The following JADE1 variants were observed in gnomAD, a reference collection of about 807,000 sequenced individuals.
The protein encoded by JADE1 is jade family PHD finger 1, also known as protein Jade-1.
Under a neutral mutation model 81.8 loss-of-function variants are expected in JADE1, and 14 were observed. The ratio of observed to expected loss-of-function variants is 0.17; its 90% CI spans 0.11 to 0.27. JADE1 has a LOEUF of 0.27. JADE1 is among the 10% of genes least tolerant of loss of function. The probability of loss-of-function intolerance (pLI) is 1.00; values close to 1 mark genes in which losing one functional copy is unlikely to be tolerated. For synonymous variants in JADE1, 353 were observed against 391.9 expected, an observed-to-expected ratio of 0.90 and a Z score of 1.17; for missense variants, 690 against 1,047.9, an observed-to-expected ratio of 0.66 and a Z score of 4.71.
At chr4:128,835,425 G>A (rs1306188609) in intron 2 of JADE1, among the ~76,000 whole-genome samples, 1 of 152,054 alleles carries the variant, frequency 6.6e-6, no homozygotes, top group Non-Finnish European at 1.5e-5. Context: ...CCCTCTGAAG[G>A]CAGCTGGTTC....
intron 3 of JADE1, among the ~76,000 whole-genome samples, chr4:128,844,253 A>T (rs1729683127): frequency 6.6e-6 from 1 of 152,186 alleles, no homozygotes; most frequent in Non-Finnish European, 1.5e-5. Flanking sequence ...CCAGTGGTGT[A>T]GTTCGAAACC....
chr4:128,851,911 C>T lies in JADE1; in HGVS notation c.485-146C>T, dbSNP rs576076671. 1.6e-4 allele frequency: 99 copies of T among 632,568 alleles called. No individual in the cohort carries two copies. In the East Asian group the frequency reaches 2.8e-3, roughly 18 times the overall value. The allele number at this position is 632,568 out of a possible 1,614,324, so 39.2% of individuals were successfully genotyped here. Reference sequence around the variant, plus strand: ...GCTCTTGGGCTCAGATGTGAGCCACCACGCCTGGCCAGTGATTGGATTTAT... The same window carrying T: ...GCTCTTGGGCTCAGATGTGAGCCACTACGCCTGGCCAGTGATTGGATTTAT... On this transcript the variant is annotated intron_variant, in intron 5 of 10. Coordinates refer to ENST00000226319, the MANE Select transcript of JADE1 (RefSeq NM_199320.4).
intron 9 of JADE1, chr4:128,864,169 A>G (rs1001402582): frequency 5.3e-5 from 51 of 956,866 alleles, no homozygotes; most frequent in Non-Finnish European, 6.3e-5. Flanking sequence ...TTTTTTCAAG[A>G]CAGAGTCTCA....
In JADE1 at chr4:128,846,314, C is replaced by T. The variant is rs1729871484; in HGVS notation, c.139-61C>T. 2 of 1,508,666 alleles carry T rather than the reference C, an allele frequency of 1.3e-6. No individual in the cohort carries two copies. Among genetic ancestry groups the T allele is most frequent in the Non-Finnish European group, 1.8e-6 (2 of 1,091,172 alleles). 93.5% of individuals were successfully genotyped at this position (1,508,666 alleles called of 1,614,324 possible). A position where few individuals can be genotyped will look rare whatever the true frequency, so the allele number is the denominator to read the frequency against. On this transcript the variant is annotated intron_variant, in intron 3 of 10. Transcript: ENST00000226319. The surrounding 1 kb of genome is among the most constrained non-coding windows in gnomAD (Gnocchi z 4.0). ...CAGCTCCATGGTTACATTGCAGCTGCCAGCACTCTGAATAAGAATGCAAAT... is the reference window on the plus strand; with the variant it reads ...CAGCTCCATGGTTACATTGCAGCTGTCAGCACTCTGAATAAGAATGCAAAT...
At chr4:128,815,687 G>T (rs1242755932) in intron 1 of JADE1, among the ~76,000 whole-genome samples, 1 of 152,122 alleles carries the variant, frequency 6.6e-6, no homozygotes, top group Non-Finnish European at 1.5e-5. Flanking sequence ...AGAAGAGGAG[G>T]CATAGGAATC....
In JADE1 at chr4:128,872,837, ATT is replaced by A. The variant is rs535540950; in HGVS notation, c.*578_*579del. On this transcript the variant is annotated 3_prime_UTR_variant, in exon 11 of 11. Coordinates refer to ENST00000226319, the MANE Select transcript of JADE1 (RefSeq NM_199320.4). Reference sequence around the variant, plus strand: ...GTAAATATAGCAGTCAGGGAAGAGAATTTTAAAAAAGGTCATTATTGAAGAAG... The same window carrying A: ...GTAAATATAGCAGTCAGGGAAGAGAATTAAAAAAGGTCATTATTGAAGAAG... 8.5e-4 allele frequency: 380 copies of A among 449,524 alleles called. 2 individuals carry two copies. Among genetic ancestry groups the A allele is most frequent in the African/African-American group, 6.9e-3 (347 of 49,968 alleles). 27.8% of individuals were successfully genotyped at this position (449,524 alleles called of 1,614,324 possible).
chr4:128,834,530 CTTTT>C (rs202245727), intron 2 of JADE1, among the ~76,000 whole-genome samples: 3 of 99,216 alleles, frequency 3.0e-5, no homozygotes, highest in Non-Finnish European at 2.1e-5. Flanking sequence ...CCAAATATTT[CTTTT>C]TTTTTTTTTT....
intron 5 of JADE1, among the ~76,000 whole-genome samples, chr4:128,851,377 A>G (rs1034367004): frequency 5.3e-5 from 8 of 152,230 alleles, no homozygotes; most frequent in African/African-American, 1.9e-4. Context: ...TTTTAAAAAC[A>G]TCCATACCAT....
intron 9 of JADE1, chr4:128,862,807 G>C: frequency 1.0e-6 from 1 of 998,788 alleles, no homozygotes; most frequent in Non-Finnish European, 1.2e-6. Flanking sequence ...AGTGGGTGCT[G>C]ATGTGTGTGC....
At chr4:128,836,387 G>A (rs896076105) in intron 2 of JADE1, among the ~76,000 whole-genome samples, 2 of 151,812 alleles carry the variant, frequency 1.3e-5, no homozygotes, top group Admixed American at 1.3e-4. Flanking sequence ...ATAAAGAAGA[G>A]GAAATATATA....
chr4:128,818,401 G>T lies in JADE1; in HGVS notation c.-27+8524G>T, dbSNP rs541201586. Among the ~76,000 whole-genome samples the T allele has an allele frequency of 3.0e-3, 462 of 152,278 alleles. 1 individual carries two copies. Among genetic ancestry groups the T allele is most frequent in the African/African-American group, 0.01 (435 of 41,556 alleles). Reference sequence around the variant, plus strand: ...CTCCCCAAGTGGTGGGATTAGAAACGTGAGCCACCATGGCCGGCCATAGTT... The same window carrying T: ...CTCCCCAAGTGGTGGGATTAGAAACTTGAGCCACCATGGCCGGCCATAGTT... On this transcript the variant is annotated intron_variant, in intron 1 of 10. Coordinates refer to ENST00000226319, the MANE Select transcript of JADE1 (RefSeq NM_199320.4).
chr4:128,871,609 G>T lies in JADE1; in HGVS notation c.1876G>T (p.Val626Phe). 1 of 1,614,194 alleles carries T rather than the reference G, an allele frequency of 6.2e-7. No homozygotes were observed. Among genetic ancestry groups the T allele is most frequent in the Non-Finnish European group, 8.5e-7 (1 of 1,180,032 alleles). ...DLCGRREGMVVPESFLGLEKT... is the reference protein window; with the variant it reads ...DLCGRREGMVFPESFLGLEKT... ...GTGTGGTAGAAGGGAGGGGATGGTG[G>T]TCCCAGAGAGCTTTTTGGGTTTAGA... Residue 626 changes from valine to phenylalanine, a missense_variant, in exon 11 of 11, where the codon GTC (valine) becomes TTC (phenylalanine). By Grantham distance (50) the Val-to-Phe change is conservative (BLOSUM62 -1). Around this residue, in one of 8 missense-constraint regions of JADE1, gnomAD observed 218 missense variants for 274.3 expected, o/e 0.79. Transcript: ENST00000226319. This position sits in a 1 kb window ranked among gnomAD's most constrained non-coding sequence, Gnocchi z 4.1.
rs899163343 is a variant in JADE1, at chr4:128,856,398, G to A, written c.864+601G>A. 3.9e-5 allele frequency among the ~76,000 whole-genome samples: 6 copies of A among 152,050 alleles called. No individual in the cohort carries two copies. The East Asian group carries it at 5.8e-4, about 15-fold the overall frequency. Reference sequence around the variant, plus strand: ...AGCCATCACAGTGAGCCTTCCCATCGCGACTCTCACTCTCAGGAGCAGACC... The same window carrying A: ...AGCCATCACAGTGAGCCTTCCCATCACGACTCTCACTCTCAGGAGCAGACC... On this transcript the variant is annotated intron_variant, in intron 7 of 10. Coordinates refer to ENST00000226319, the MANE Select transcript of JADE1 (RefSeq NM_199320.4).
intron 10 of JADE1, among the ~76,000 whole-genome samples, chr4:128,870,058 G>A (rs1579251587): frequency 6.6e-6 from 1 of 152,186 alleles, no homozygotes; most frequent in Admixed American, 6.5e-5. Context: ...ATGAGTTGGA[G>A]GCTCTTTAGA....
In JADE1 at chr4:128,859,907, C is replaced by T. The variant is rs938651194; in HGVS notation, c.982-1797C>T. Among the ~76,000 whole-genome samples the T allele has an allele frequency of 3.3e-5, 5 of 152,242 alleles. No individual in the cohort carries two copies. In the East Asian group the frequency reaches 7.7e-4, roughly 23 times the overall value. On this transcript the variant is annotated intron_variant, in intron 8 of 10. Coordinates refer to ENST00000226319, the MANE Select transcript of JADE1 (RefSeq NM_199320.4). The stretch of plus-strand genomic sequence containing the variant: ...TTGATTTTATTAAAAGAATTCCTCT[C>T]TGAAATGTCTGCAGCTGTGAAGGCT...
intron 4 of JADE1, among the ~76,000 whole-genome samples, chr4:128,848,709 A>C (rs1730083712): frequency 6.6e-6 from 1 of 152,172 alleles, no homozygotes; most frequent in Non-Finnish European, 1.5e-5. Context: ...TGCAGGCCAG[A>C]GTGGTCAGAG....
intron 8 of JADE1, among the ~76,000 whole-genome samples, chr4:128,859,248 A>G (rs1731072561): frequency 6.6e-6 from 1 of 150,376 alleles, no homozygotes; most frequent in African/African-American, 2.5e-5. Context: ...GAGCATGCAT[A>G]TGTGTGCATG....
At chr4:128,854,326 G>GGCTTATCT (rs1266580856) in intron 6 of JADE1, among the ~76,000 whole-genome samples, 1 of 151,510 alleles carries the variant, frequency 6.6e-6, no homozygotes, top group Admixed American at 6.6e-5. Context: ...AATCCTTCAT[G>GGCTTATCT]GCTTATCTTT....
chr4:128,823,874 T>C lies in JADE1; in HGVS notation c.-26-7859T>C, dbSNP rs149083319. 1.5e-3 allele frequency among the ~76,000 whole-genome samples: 235 copies of C among 152,324 alleles called. 3 individuals carry two copies. Among genetic ancestry groups the C allele is most frequent in the East Asian group, 0.014 (72 of 5,188 alleles). On this transcript the variant is annotated intron_variant, in intron 1 of 10. Transcript: ENST00000226319. Reference sequence around the variant, plus strand: ...CATATTTAAGCGATTAATGTTTACTTTAAAAACTGAGGTAAGAAACCAGCT... The same window carrying C: ...CATATTTAAGCGATTAATGTTTACTCTAAAAACTGAGGTAAGAAACCAGCT...
Sources: gnomAD v4.1 joint callset for allele counts (sites outside exome capture counted in the v4.1 genomes callset) on GRCh38, gnomAD v4.1.1 for gene constraint, gnomAD v4.1.1 regional missense constraint, Gnocchi (gnomAD v3.1) non-coding constraint, MANE v1.5 for transcripts, NCBI Gene and HGNC (gene_info 2026-07-23, HGNC 2026-07-21) for gene names.